The following PRSS16 variants were observed in gnomAD, a reference collection of about 807,000 sequenced individuals.
PRSS16 encodes serine protease 16.
A neutral mutation model predicts 61.7 loss-of-function variants in PRSS16; 43 were observed. The ratio of observed to expected loss-of-function variants is 0.70; its 90% CI spans 0.55 to 0.90. The LOEUF (loss-of-function observed/expected upper bound fraction) is 0.90, where lower values mean the gene tolerates loss of function less well. Among genes scored for constraint, PRSS16 ranks in the 40% least tolerant of loss-of-function variants. The pLI, the probability that PRSS16 is intolerant of heterozygous loss-of-function variation, is 0.00. For synonymous variants in PRSS16, 273 were observed against 285.2 expected (o/e 0.96, Z 0.43); for missense variants, 591 against 659.1 (o/e 0.90, Z 1.13).
At chr6:27,254,279 G>C (rs1759980998) in intron 9 of PRSS16, 1 of 158,962 alleles carries the variant, frequency 6.3e-6, no homozygotes. Flanking sequence ...TCTTTACCCT[G>C]AAAGCACAGT....
intron 2 of PRSS16, 138 bp from the exon 3 acceptor site, chr6:27,248,709 A>G (rs5030964): frequency 0.05 from 27,888 of 560,178 alleles, 939 homozygotes; most frequent in African/African-American, 0.11. Context: ...GTGAGCAAGT[A>G]AATAAACAAG....
rs368344133 is a variant in PRSS16 at position 27,248,063 on chromosome 6, C to A, written c.237+15C>A. The A allele has an allele frequency of 6.2e-7, 1 of 1,609,462 alleles. No homozygotes were observed. Among genetic ancestry groups the A allele is most frequent in the Non-Finnish European group, 8.5e-7 (1 of 1,178,006 alleles). ...CCTTCCTACAGGTGAGGCCGGGAGA[C>A]GGGGAGTCCACTAACCATCCTGCCC... On this transcript the variant is annotated intron_variant, in intron 2 of 11. Transcript: ENST00000230582.
Position 27,253,007 on chromosome 6 carries a change from A to C in PRSS16, c.1150+58A>C, listed in dbSNP as rs1046170274. On this transcript the variant is annotated intron_variant, in intron 9 of 11. Transcript: ENST00000230582. Reference sequence around the variant, plus strand: ...CTCAAACAACCTTTTTACTATGCCCAGAGAAGTCATCTTACAGGTGGTCTG... The same window carrying C: ...CTCAAACAACCTTTTTACTATGCCCCGAGAAGTCATCTTACAGGTGGTCTG... 8.7e-6 allele frequency: 14 copies of C among 1,610,046 alleles called. No individual in the cohort carries two copies. In the African/African-American group the frequency reaches 1.9e-4, roughly 22 times the overall value.
Position 27,252,727 on chromosome 6 carries a change from C to G in PRSS16, c.1009-81C>G. 6.5e-7 allele frequency: 1 copy of G among 1,535,190 alleles called. No homozygotes were observed. Among genetic ancestry groups the G allele is most frequent in the South Asian group, 1.2e-5 (1 of 85,938 alleles). Reference sequence around the variant, plus strand: ...CCCTTCTATTTCTGACTTTTGACCTCTGGGGACATAGGCCTCTGCACCCTG... The same window carrying G: ...CCCTTCTATTTCTGACTTTTGACCTGTGGGGACATAGGCCTCTGCACCCTG... On this transcript the variant is annotated intron_variant, in intron 8 of 11. Transcript: ENST00000230582. This position sits in a 1 kb window ranked among gnomAD's most constrained non-coding sequence, Gnocchi z 4.2.
At position 27,254,558 on chromosome 6, in the gene PRSS16, T is replaced by G. The variant is rs932228268; in HGVS notation, c.1151-135T>G. 5 of 848,796 alleles carry G rather than the reference T, an allele frequency of 5.9e-6. No homozygotes were observed. The African/African-American group carries it at 8.4e-5, about 14-fold the overall frequency. 52.6% of individuals were successfully genotyped at this position (848,796 alleles called of 1,614,324 possible). On this transcript the variant is annotated intron_variant, in intron 9 of 11. Coordinates refer to ENST00000230582, the MANE Select transcript of PRSS16 (RefSeq NM_005865.4). ...TGTCAGGGGACTGTGTGAGTCTGTC[T>G]GCCAGGACTGTAAACTCCTCGAAGG... is the stretch of plus-strand genomic sequence containing the variant.
chr6:27,253,006 C>A, intron 9 of PRSS16, 57 bp downstream of exon 9: 1 of 1,609,482 alleles, frequency 6.2e-7, no homozygotes, highest in Non-Finnish European at 8.5e-7. Context: ...TTACTATGCC[C>A]AGAGAAGTCA....
intron 4 of PRSS16, among the ~76,000 whole-genome samples, 184 bp downstream of exon 4, chr6:27,249,413 C>A (rs1370220095): frequency 6.6e-6 from 1 of 152,140 alleles, no homozygotes; most frequent in African/African-American, 2.4e-5. Flanking sequence ...GTCTCTGACT[C>A]TCCCTATCTG....
intron 4 of PRSS16, 90 bp from the exon 5 acceptor site, chr6:27,250,593 A>C: frequency 6.7e-7 from 1 of 1,496,160 alleles, no homozygotes; most frequent in Non-Finnish European, 8.9e-7. Flanking sequence ...TCACCCATTC[A>C]TGTCTCTGGA....
At position 27,247,751 on chromosome 6, in the gene PRSS16, T is replaced by C; in HGVS notation, c.14T>C (p.Leu5Pro). The change falls in exon 1 of 12, where the codon CTT (leucine) becomes CCT (proline). Residue 5 changes from leucine (L) to proline (P), a missense_variant. By Grantham distance (98) the Leu-to-Pro change is moderately conservative. Coordinates refer to ENST00000230582, the MANE Select transcript of PRSS16 (RefSeq NM_005865.4). ...GTCCCGAACACCATGGCCGTCTGGC[T>C]TGCCCAGTGGCTGGGCCCTCTGCTC... MAVWLAQWLGPLLLV... is the reference protein window; with the variant it reads MAVWPAQWLGPLLLV... The C allele has an allele frequency of 6.3e-7, 1 of 1,582,164 alleles. No homozygotes were observed. Among genetic ancestry groups the C allele is most frequent in the African/African-American group, 1.3e-5 (1 of 74,204 alleles).
In PRSS16 at chr6:27,248,923, T is replaced by C; in HGVS notation, c.314T>C (p.Leu105Pro). Residue 105 changes from leucine to proline, a missense_variant, in exon 3 of 12, where the codon CTT becomes CCT. Transcript: ENST00000230582. ...CTGCATCTAGGGGGTGAGGGCAGCC[T>C]TGGGCCTGGCTCAGTGATGAGAGGT... ...IFLHLGGEGS[L>P]GPGSVMRGHP... is the part of the protein sequence containing the mutation. 1 of 1,612,068 alleles carries C rather than the reference T, an allele frequency of 6.2e-7. No homozygotes were observed. The highest frequency in any genetic ancestry group is 8.5e-7 in the Non-Finnish European group (1 of 1,178,936).
At chr6:27,254,942 C>A in intron 10 of PRSS16, 44 bp from the exon 11 acceptor site, 2 of 1,612,178 alleles carry the variant, frequency 1.2e-6, no homozygotes, top group Non-Finnish European at 1.7e-6. Flanking sequence ...CTCATCCTCT[C>A]CCAGCACCCA....
Position 27,252,743 on chromosome 6 carries a change from C to T in PRSS16, c.1009-65C>T. The T allele has an allele frequency of 1.3e-6, 2 of 1,596,900 alleles. No homozygotes were observed. Among genetic ancestry groups the T allele is most frequent in the Non-Finnish European group, 1.7e-6 (2 of 1,167,712 alleles). ...TTTTGACCTCTGGGGACATAGGCCT[C>T]TGCACCCTGGCTTGCTGGGAAGAGA... On this transcript the variant is annotated intron_variant, in intron 8 of 11. Coordinates refer to ENST00000230582, the MANE Select transcript of PRSS16 (RefSeq NM_005865.4). The surrounding 1 kb of genome is among the most constrained non-coding windows in gnomAD (Gnocchi z 4.2).
chr6:27,252,398 C>T lies in PRSS16; in HGVS notation c.1008+358C>T, dbSNP rs771738806. On this transcript the variant is annotated intron_variant, in intron 8 of 11. Coordinates refer to ENST00000230582, the MANE Select transcript of PRSS16 (RefSeq NM_005865.4). This position sits in a 1 kb window ranked among gnomAD's most constrained non-coding sequence, Gnocchi z 4.2. ...TGTTATCTCTGGGGATAGGGTTCTC[C>T]TAGGTACCTGGGACTGCAGCCTCTA... 8 of 375,332 alleles carry T rather than the reference C, an allele frequency of 2.1e-5. No individual in the cohort carries two copies. The highest frequency in any genetic ancestry group is 1.0e-4 in the African/African-American group (5 of 48,238). The allele number at this position is 375,332 out of a possible 1,614,324, so 23.3% of individuals were successfully genotyped here.
chr6:27,249,256 T>A, intron 4 of PRSS16, 27 bp downstream of exon 4: 1 of 1,608,116 alleles, frequency 6.2e-7, no homozygotes, highest in Non-Finnish European at 8.5e-7. Flanking sequence ...AAAGTGTTTA[T>A]GGTCAAAGGA....
At chr6:27,248,699 G>C in intron 2 of PRSS16, 148 bp from the exon 3 acceptor site, 1 of 541,378 alleles carries the variant, frequency 1.8e-6, no homozygotes, top group South Asian at 4.8e-5. Context: ...CAGGGGAAAA[G>C]TGAGCAAGTA....
At chr6:27,254,128 C>T (rs1483078109) in intron 9 of PRSS16, 1 of 153,018 alleles carries the variant, frequency 6.5e-6, no homozygotes, top group Non-Finnish European at 1.5e-5. Context: ...CCCCTCTGGA[C>T]TGAGTCCTGT....
Position 27,256,505 on chromosome 6 carries a change from C to T in PRSS16, c.*1190C>T, listed in dbSNP as rs571295498. 6.6e-6 allele frequency: 1 copy of T among 152,576 alleles called. No homozygotes were observed. Among genetic ancestry groups the T allele is most frequent in the Non-Finnish European group, 1.5e-5 (1 of 68,032 alleles). 9.5% of individuals were successfully genotyped at this position (152,576 alleles called of 1,614,324 possible). On this transcript the variant is annotated 3_prime_UTR_variant, in exon 12 of 12. Transcript: ENST00000230582. ...GTAGTTTTAGAGTTTTATCCAGTTT[C>T]ATATTTCCTTGTGGGTAAGAGGCAA... is the stretch of plus-strand genomic sequence containing the variant.
At position 27,254,704 on chromosome 6, in the gene PRSS16, G is replaced by A. The variant is rs1427004331; in HGVS notation, c.1162G>A (p.Glu388Lys). ...CTEFGFYVTC[E>K]NPRCPFSQLP... The stretch of plus-strand genomic sequence containing the variant: ...ATCTCCCTACACAGATGTCACCTGT[G>A]AGAATCCCAGATGTCCTTTCTCCCA... Residue 388 changes from glutamate to lysine, a missense_variant, in exon 10 of 12, where the codon GAG (glutamate) becomes AAG (lysine). Physicochemically the swap from Glu to Lys is moderately conservative, Grantham distance 56. Transcript: ENST00000230582. 1 of 1,612,926 alleles carries A rather than the reference G, an allele frequency of 6.2e-7. No homozygotes were observed. The highest frequency in any genetic ancestry group is 8.5e-7 in the Non-Finnish European group (1 of 1,178,916).
In PRSS16 at chr6:27,249,245, G is replaced by C. The variant is rs1295512093; in HGVS notation, c.467+16G>C. ...GCCGCCTTGCGTGAGTGGAGGAAGG[G>C]AAAGTGTTTATGGTCAAAGGACAGG... On this transcript the variant is annotated intron_variant, in intron 4 of 11. Coordinates refer to ENST00000230582, the MANE Select transcript of PRSS16 (RefSeq NM_005865.4). 6.2e-7 allele frequency: 1 copy of C among 1,611,422 alleles called. No homozygotes were observed. The highest frequency in any genetic ancestry group is 8.5e-7 in the Non-Finnish European group (1 of 1,178,958).
Sources: gnomAD v4.1 joint callset for allele counts (sites outside exome capture counted in the v4.1 genomes callset) on GRCh38, gnomAD v4.1.1 for gene constraint, Gnocchi (gnomAD v3.1) non-coding constraint, MANE v1.5 for transcripts, NCBI Gene and HGNC (gene_info 2026-07-23, HGNC 2026-07-21) for gene names.